Variants in MEGF10 observed in about 807,000 individuals in gnomAD.
The protein encoded by MEGF10 is multiple epidermal growth factor-like domains protein 10.
A neutral mutation model predicts 147.5 loss-of-function variants in MEGF10; 86 were observed. The ratio of observed to expected loss-of-function variants is 0.58; its 90% confidence interval spans 0.49 to 0.70. The LOEUF (loss-of-function observed/expected upper bound fraction) is 0.70, where lower values mean the gene tolerates loss of function less well. MEGF10 is among the 30% of genes least tolerant of loss of function. MEGF10 has a pLI of 0.00. For missense variants in MEGF10, 1,329 were observed against 1,487.3 expected (o/e 0.89, Z 1.75); for synonymous variants, 478 against 525.5 (o/e 0.91, Z 1.24).
At chr5:127,393,201 T>A (rs1763770439) in intron 5 of MEGF10, among the ~76,000 whole-genome samples, 1 of 152,170 alleles carries the variant, frequency 6.6e-6, no homozygotes. Context: ...GAGATTAGAG[T>A]GAGGTGTTAA....
intron 4 of MEGF10, among the ~76,000 whole-genome samples, chr5:127,348,170 C>G (rs1364374105): frequency 6.6e-6 from 1 of 151,992 alleles, no homozygotes; most frequent in Non-Finnish European, 1.5e-5. Flanking sequence ...AACTGACTTG[C>G]TAAACTATGC....
intron 5 of MEGF10, among the ~76,000 whole-genome samples, chr5:127,395,151 A>G (rs1183770746): frequency 4.6e-5 from 7 of 152,186 alleles, no homozygotes; most frequent in Admixed American, 4.6e-4. Context: ...ATAGCATCTA[A>G]TAAATATACC....
rs539483792 is a variant in MEGF10, at chr5:127,296,835, T to A, written c.-19+5779T>A. Among the ~76,000 whole-genome samples, 6 of 152,274 alleles carry A rather than the reference T, an allele frequency of 3.9e-5. No homozygotes were observed. The South Asian group carries it at 1.2e-3, about 32-fold the overall frequency. On this transcript the variant is annotated intron_variant, in intron 1 of 24. Coordinates refer to ENST00000503335, the MANE Select transcript of MEGF10 (RefSeq NM_001256545.2). ...CAATCAAAACAAAAAAATTTAAATA[T>A]CCACCCCTATTGACATCTTGAGAAA...
chr5:127,435,406 C>T lies in MEGF10; in HGVS notation c.2021C>T (p.Thr674Ile), dbSNP rs139700339. The change falls in exon 16 of 25, where the codon ACC becomes ATC. Residue 674 changes from threonine (T) to isoleucine (I), a missense_variant. This residue lies in a region of MEGF10 where 980 missense variants were observed against 1,085.9 expected (regional missense o/e 0.90). Coordinates refer to ENST00000503335, the MANE Select transcript of MEGF10 (RefSeq NM_001256545.2). ...GGGAAAAACTGTGCAGGAATTTGTA[C>T]CTGCACCAACAACGGAACCTGTAAC... ...RFGKNCAGIC[T>I]CTNNGTCNPI... is the part of the protein sequence containing the mutation. The T allele has an allele frequency of 6.8e-6, 11 of 1,613,992 alleles. No individual in the cohort carries two copies. The highest frequency in any genetic ancestry group is 3.3e-5 in the Admixed American group (2 of 60,006).
chr5:127,454,694 T>A, intron 23 of MEGF10, 84 bp downstream of exon 23: 1 of 1,229,218 alleles, frequency 8.1e-7, no homozygotes, highest in Non-Finnish European at 1.2e-6. Flanking sequence ...TTAAACAAGC[T>A]AGAATGGCAA....
At chr5:127,359,535 A>C (rs559498537) in intron 4 of MEGF10, among the ~76,000 whole-genome samples, 40 of 152,046 alleles carry the variant, frequency 2.6e-4, no homozygotes, top group African/African-American at 5.5e-4. Flanking sequence ...AATTTCTCCT[A>C]TCCACCCCTC....
Position 127,460,371 on chromosome 5 carries a change from A to G in MEGF10, c.*3053A>G, listed in dbSNP as rs778103087. On this transcript the variant is annotated 3_prime_UTR_variant, in exon 25 of 25. Transcript: ENST00000503335. Reference sequence around the variant, plus strand: ...ATTTTACAATTATTTACAGTGTTTGACATTAATTGCTGTCCTATGATACAG... The same window carrying G: ...ATTTTACAATTATTTACAGTGTTTGGCATTAATTGCTGTCCTATGATACAG... The G allele has an allele frequency of 1.3e-5, 2 of 152,190 alleles. No homozygotes were observed. Among genetic ancestry groups the G allele is most frequent in the Non-Finnish European group, 2.9e-5 (2 of 68,020 alleles). 9.4% of individuals were successfully genotyped at this position (152,190 alleles called of 1,614,324 possible).
At chr5:127,288,134 A>G (rs1759088309), upstream of MEGF10, among the ~76,000 whole-genome samples, 1 of 152,122 alleles carries the variant, frequency 6.6e-6, no homozygotes, top group Non-Finnish European at 1.5e-5. Context: ...TAACAGCTAA[A>G]ACTATAAACT....
intron 4 of MEGF10, among the ~76,000 whole-genome samples, chr5:127,365,316 T>C (rs896223988): frequency 6.6e-5 from 10 of 152,266 alleles, no homozygotes; most frequent in African/African-American, 2.4e-4. Flanking sequence ...TTTCTACTCC[T>C]CCTTTCACTT....
chr5:127,244,195 CAAAAAAAAAAAA>C, the MEGF10 span, among the ~76,000 whole-genome samples: 7 of 70,578 alleles, frequency 9.9e-5, no homozygotes, highest in South Asian at 2.8e-3. Flanking sequence ...AAACTCTGTC[CAAAAAAAAAAAA>C]AAAAAAAAAA....
chr5:127,339,131 CTG>C lies in MEGF10; in HGVS notation c.131_132del (p.Val44AlafsTer9). 1 of 1,599,238 alleles carries C rather than the reference CTG, an allele frequency of 6.3e-7. No homozygotes were observed. Among genetic ancestry groups the C allele is most frequent in the East Asian group, 2.2e-5 (1 of 44,574 alleles). On this transcript the variant is annotated frameshift_variant, in exon 3 of 25. Transcript: ENST00000503335. LOFTEE classifies it high-confidence loss of function. Reference sequence around the variant, plus strand: ...CCATTTCTTTTCAGCTACTCAGTGACTGTGCAAGAGTCATACCCACATCCCTT... The same window carrying C: ...CCATTTCTTTTCAGCTACTCAGTGACTGCAAGAGTCATACCCACATCCCTT...
the MEGF10 span, among the ~76,000 whole-genome samples, chr5:127,247,748 C>T: frequency 6.6e-6 from 1 of 151,828 alleles, no homozygotes; most frequent in Non-Finnish European, 1.5e-5. Flanking sequence ...ATGTGGGGCA[C>T]AGAGAAATGG....
intron 4 of MEGF10, among the ~76,000 whole-genome samples, chr5:127,361,857 T>A (rs1050718607): frequency 2.0e-5 from 3 of 152,186 alleles, no homozygotes; most frequent in Non-Finnish European, 4.4e-5. Flanking sequence ...TGTTACTGAT[T>A]TCTAACTAAA....
At chr5:127,310,277 C>A (rs940232076) in intron 1 of MEGF10, among the ~76,000 whole-genome samples, 2 of 151,602 alleles carry the variant, frequency 1.3e-5, no homozygotes, top group African/African-American at 4.8e-5. Context: ...TGTTTTGTTA[C>A]TGCTATGTTG....
At chr5:127,276,632 A>G in the MEGF10 span, among the ~76,000 whole-genome samples, 4 of 152,244 alleles carry the variant, frequency 2.6e-5, no homozygotes, top group Non-Finnish European at 4.4e-5. Flanking sequence ...CTACTGAGTT[A>G]TAAAACTTTT....
the MEGF10 span, among the ~76,000 whole-genome samples, chr5:127,284,056 G>C: frequency 6.6e-6 from 1 of 152,098 alleles, no homozygotes; most frequent in African/African-American, 2.4e-5. Flanking sequence ...AGGGTCCAAG[G>C]CTGCAAATAC....
chr5:127,269,995 G>A, the MEGF10 span, among the ~76,000 whole-genome samples: 1 of 152,150 alleles, frequency 6.6e-6, no homozygotes, highest in Non-Finnish European at 1.5e-5. Flanking sequence ...CTTCATAAGT[G>A]AAGGAGAAAT....
the MEGF10 span, among the ~76,000 whole-genome samples, chr5:127,245,276 A>G: frequency 6.6e-6 from 1 of 152,190 alleles, no homozygotes; most frequent in African/African-American, 2.4e-5. Flanking sequence ...CCAATGGAAC[A>G]GAACAGAGGC....
At chr5:127,451,435 T>G (rs1035324480) in intron 22 of MEGF10, among the ~76,000 whole-genome samples, 1 of 152,188 alleles carries the variant, frequency 6.6e-6, no homozygotes, top group African/African-American at 2.4e-5. Flanking sequence ...ATAGGATGAG[T>G]ATTTCTAACC....
Sources: gnomAD v4.1 joint callset for allele counts (sites outside exome capture counted in the v4.1 genomes callset) on GRCh38, gnomAD v4.1.1 for gene constraint, gnomAD v4.1.1 regional missense constraint, MANE v1.5 for transcripts, NCBI Gene and HGNC (gene_info 2026-07-23, HGNC 2026-07-21) for gene names.